The following STK32B variants were observed in gnomAD, a reference collection of about 807,000 sequenced individuals.
STK32B encodes the protein serine/threonine-protein kinase 32B.
A neutral mutation model predicts 52.6 loss-of-function variants in STK32B; 43 were observed. The observed-to-expected ratio is 0.82, with a 90% CI of 0.64 to 1.05. The LOEUF (loss-of-function observed/expected upper bound fraction) is 1.05. Among genes scored for constraint, STK32B ranks in the 50% least tolerant of loss-of-function variants. The pLI is 0.00. For missense variants in STK32B, 621 were observed against 534.6 expected (o/e 1.16, Z -1.59); for synonymous variants, 238 against 204.3 (o/e 1.17, Z -1.41).
At chr4:5,355,627 G>A (rs551920108) in intron 4 of STK32B, among the ~76,000 whole-genome samples, 1 of 152,232 alleles carries the variant, frequency 6.6e-6, no homozygotes, top group East Asian at 1.9e-4. Context: ...GGGATGTTTA[G>A]GTGGAGCTGT....
chr4:5,151,773 C>A (rs1218837384), intron 2 of STK32B, among the ~76,000 whole-genome samples: 1 of 152,148 alleles, frequency 6.6e-6, no homozygotes, highest in Non-Finnish European at 1.5e-5. Flanking sequence ...TTCTCTGCAG[C>A]TTAGTGTTCT....
intron 11 of STK32B, among the ~76,000 whole-genome samples, chr4:5,484,284 C>T (rs1278434427): frequency 6.6e-6 from 1 of 152,156 alleles, no homozygotes; most frequent in East Asian, 1.9e-4. Context: ...GTATTGGGTG[C>T]ATATATATTT....
At chr4:5,312,962 T>G (rs1311907240) in intron 3 of STK32B, among the ~76,000 whole-genome samples, 1 of 151,990 alleles carries the variant, frequency 6.6e-6, no homozygotes, top group Non-Finnish European at 1.5e-5. Flanking sequence ...GTGCATACTT[T>G]TAAATTCATT....
chr4:5,432,932 T>C (rs1438106876), intron 6 of STK32B, among the ~76,000 whole-genome samples: 1 of 152,184 alleles, frequency 6.6e-6, no homozygotes, highest in African/African-American at 2.4e-5. Context: ...CTGAGGTACA[T>C]ATAAGAGGTT....
intron 3 of STK32B, among the ~76,000 whole-genome samples, chr4:5,293,797 A>T (rs1047461726): frequency 6.6e-6 from 1 of 151,966 alleles, no homozygotes; most frequent in Non-Finnish European, 1.5e-5. Context: ...GTTTAATGAG[A>T]TCTCATTTGT....
At chr4:5,124,876 C>G (rs1257664325) in intron 1 of STK32B, among the ~76,000 whole-genome samples, 1 of 152,198 alleles carries the variant, frequency 6.6e-6, no homozygotes, top group Non-Finnish European at 1.5e-5. Context: ...ACCTTCCCCT[C>G]CAATCTTACT....
chr4:5,438,122 G>A (rs1467080696), intron 6 of STK32B: 3 of 985,360 alleles, frequency 3.0e-6, no homozygotes, highest in Non-Finnish European at 3.6e-6. Flanking sequence ...ATTCTGCACT[G>A]CTGGGTGCAC....
At chr4:5,457,066 C>G (rs1187754512) in intron 8 of STK32B, 143 bp downstream of exon 8, 1 of 588,614 alleles carries the variant, frequency 1.7e-6, no homozygotes, top group Non-Finnish European at 2.8e-6. Flanking sequence ...ATGCCAAATG[C>G]CGTGGAATAA....
chr4:5,445,094 G>T (rs1371594731), intron 6 of STK32B, among the ~76,000 whole-genome samples: 1 of 152,174 alleles, frequency 6.6e-6, no homozygotes, highest in Non-Finnish European at 1.5e-5. Flanking sequence ...CATACTGCTG[G>T]CCCTCTCTGA....
intron 3 of STK32B, among the ~76,000 whole-genome samples, chr4:5,210,187 T>C (rs1203663298): frequency 1.3e-5 from 2 of 152,178 alleles, no homozygotes; most frequent in African/African-American, 4.8e-5. Flanking sequence ...CTCCAGCCTG[T>C]GTGTGCTACA....
intron 3 of STK32B, among the ~76,000 whole-genome samples, chr4:5,322,748 C>T (rs1339438440): frequency 6.6e-6 from 1 of 152,162 alleles, no homozygotes; most frequent in Non-Finnish European, 1.5e-5. Context: ...ACACTGTTTG[C>T]CAGGCCCTGG....
intron 3 of STK32B, among the ~76,000 whole-genome samples, chr4:5,230,656 AT>A (rs764349720): frequency 2.0e-5 from 3 of 152,204 alleles, no homozygotes; most frequent in Non-Finnish European, 4.4e-5. Context: ...CAAAAGCCAC[AT>A]TTTGAGTGCT....
In STK32B at chr4:5,398,297, C is replaced by T; in HGVS notation, c.472+53C>T. ...GACTCTCAGTGGAAAGTTTGAGGCACTGGGAAATAGTGCGGGGGTGGGGGT... is the reference window on the plus strand; with the variant it reads ...GACTCTCAGTGGAAAGTTTGAGGCATTGGGAAATAGTGCGGGGGTGGGGGT... On this transcript the variant is annotated intron_variant, in intron 5 of 11. Transcript: ENST00000282908. The surrounding 1 kb of genome is among the most constrained non-coding windows in gnomAD (Gnocchi z 4.9). 5.0e-6 allele frequency: 8 copies of T among 1,605,872 alleles called. No individual in the cohort carries two copies. The highest frequency in any genetic ancestry group is 1.1e-5 in the South Asian group (1 of 90,390).
chr4:5,357,022 T>TACACAC (rs550771167), intron 4 of STK32B, among the ~76,000 whole-genome samples: 5 of 145,486 alleles, frequency 3.4e-5, no homozygotes, highest in African/African-American at 1.3e-4. Flanking sequence ...TATATATATA[T>TACACAC]ACACACACAC....
intron 4 of STK32B, among the ~76,000 whole-genome samples, chr4:5,379,556 C>T (rs1405562705): frequency 1.3e-5 from 2 of 152,170 alleles, no homozygotes; most frequent in Non-Finnish European, 2.9e-5. Context: ...ACCCCCAGTA[C>T]CCCAGAATGT....
intron 3 of STK32B, among the ~76,000 whole-genome samples, chr4:5,173,566 G>A (rs557959449): frequency 6.6e-6 from 1 of 152,274 alleles, no homozygotes; most frequent in African/African-American, 2.4e-5. Flanking sequence ...TATGTACCCA[G>A]TAGTCATTCA....
chr4:5,492,108 C>T (rs1719786387), intron 11 of STK32B, among the ~76,000 whole-genome samples: 1 of 152,104 alleles, frequency 6.6e-6, no homozygotes, highest in Non-Finnish European at 1.5e-5. Flanking sequence ...TTTTCCAATT[C>T]TGTGAGGAAA....
chr4:5,210,459 G>A (rs1483418969), intron 3 of STK32B, among the ~76,000 whole-genome samples: 1 of 152,138 alleles, frequency 6.6e-6, no homozygotes. Context: ...CAGTATCACA[G>A]ATAATTCATT....
intron 5 of STK32B, among the ~76,000 whole-genome samples, chr4:5,403,952 A>G (rs1032840457): frequency 1.3e-5 from 2 of 151,636 alleles, no homozygotes; most frequent in Non-Finnish European, 2.9e-5. Context: ...GGATAAGTAC[A>G]TAGTAATGCA....
Sources: allele counts gnomAD v4.1 joint callset (sites outside exome capture counted in the v4.1 genomes callset), GRCh38; gene constraint gnomAD v4.1.1; non-coding constraint Gnocchi (gnomAD v3.1); transcripts MANE v1.5; gene names NCBI Gene and HGNC (gene_info 2026-07-23, HGNC 2026-07-21).